The following CNNM2 variants were observed in gnomAD, a reference collection of about 807,000 sequenced individuals.
CNNM2 encodes metal transporter CNNM2.
A neutral mutation model predicts 66.9 loss-of-function variants in CNNM2; 12 were observed. The ratio of observed to expected loss-of-function variants is 0.18; its 90% CI spans 0.11 to 0.29. The LOEUF (loss-of-function observed/expected upper bound fraction) is 0.29, where lower values mean the gene tolerates loss of function less well. CNNM2 is among the 10% of genes least tolerant of loss of function. The pLI is 1.00. For synonymous variants in CNNM2, 557 were observed against 501.8 expected, an observed-to-expected ratio of 1.11 and a Z score of -1.47; for missense variants, 705 against 1,167.7, an observed-to-expected ratio of 0.60 and a Z score of 5.77.
intron 1 of CNNM2, among the ~76,000 whole-genome samples, chr10:102,935,271 C>G (rs1199609474): frequency 1.3e-5 from 2 of 151,670 alleles, no homozygotes; most frequent in Non-Finnish European, 2.9e-5. Context: ...CAAGACCAGC[C>G]TAGACAATAT....
chr10:102,992,742 C>T (rs1564835919), intron 1 of CNNM2, among the ~76,000 whole-genome samples: 1 of 152,172 alleles, frequency 6.6e-6, no homozygotes, highest in Non-Finnish European at 1.5e-5. Flanking sequence ...CAGTAGTTCA[C>T]AGCAAGGGCT....
In CNNM2 at chr10:102,994,093, C is replaced by T. The variant is rs1039389735; in HGVS notation, c.1622-55614C>T. Among the ~76,000 whole-genome samples the T allele has an allele frequency of 3.9e-5, 6 of 152,082 alleles. 1 individual carries two copies. The East Asian group carries it at 5.8e-4, about 15-fold the overall frequency. On this transcript the variant is annotated intron_variant, in intron 1 of 7. Coordinates refer to ENST00000369878, the MANE Select transcript of CNNM2 (RefSeq NM_017649.5). The stretch of plus-strand genomic sequence containing the variant: ...CTGGGATTACAGGCACATGCCACCA[C>T]GCCGAGCTAATTTTTGTATTTTTAG...
chr10:102,935,895 G>C (rs1194611273), intron 1 of CNNM2, among the ~76,000 whole-genome samples: 2 of 149,760 alleles, frequency 1.3e-5, no homozygotes, highest in African/African-American at 4.9e-5. Flanking sequence ...TTGGGATTAC[G>C]ATATGAAATG....
At chr10:102,958,269 G>C (rs1380002368) in intron 1 of CNNM2, among the ~76,000 whole-genome samples, 1 of 151,928 alleles carries the variant, frequency 6.6e-6, no homozygotes, top group East Asian at 1.9e-4. Context: ...TTTTCTAACT[G>C]TGTTGAATAA....
At chr10:102,920,382 T>TA (rs1845581234) in intron 1 of CNNM2, among the ~76,000 whole-genome samples, 1 of 152,180 alleles carries the variant, frequency 6.6e-6, no homozygotes, top group African/African-American at 2.4e-5. Flanking sequence ...ATTTATTTTT[T>TA]TTTTTTTGGT....
At chr10:103,015,154 C>A (rs963532086) in intron 1 of CNNM2, among the ~76,000 whole-genome samples, 2 of 152,116 alleles carry the variant, frequency 1.3e-5, no homozygotes, top group Admixed American at 1.3e-4. Flanking sequence ...ACCATTTATT[C>A]ATTCAGGGGT....
intron 3 of CNNM2, among the ~76,000 whole-genome samples, chr10:103,055,330 C>A (rs1037479424): frequency 6.6e-6 from 1 of 152,204 alleles, no homozygotes; most frequent in African/African-American, 2.4e-5. Flanking sequence ...GAAGGCTAGC[C>A]GCAACCACAT....
rs574025724 is a variant in CNNM2 at position 103,085,656 on chromosome 10, CATT to C, written c.*8477_*8479del. 9.9e-5 allele frequency: 15 copies of C among 152,204 alleles called. No homozygotes were observed. Among genetic ancestry groups the C allele is most frequent in the Non-Finnish European group, 1.5e-4 (10 of 68,036 alleles). The allele number at this position is 152,204 out of a possible 1,614,324, so 9.4% of individuals were successfully genotyped here. On this transcript the variant is annotated 3_prime_UTR_variant, in exon 8 of 8. Transcript: ENST00000369878. ...CAAAGGGACGAGATTCAAAATTCAT[CATT>C]GTGTTTTAAATTTAAATTGGAAAAC...
At chr10:103,027,227 G>C (rs986575906) in intron 1 of CNNM2, 10 of 152,202 alleles carry the variant, frequency 6.6e-5, no homozygotes, top group Non-Finnish European at 1.5e-4. Flanking sequence ...GATGCAAAAA[G>C]AATGTGTAGC....
intron 1 of CNNM2, among the ~76,000 whole-genome samples, chr10:102,983,913 C>G (rs921687199): frequency 2.6e-5 from 4 of 151,836 alleles, no homozygotes; most frequent in South Asian, 2.1e-4. Flanking sequence ...TTAAAGTGCC[C>G]GCCACCACGC....
At position 103,087,864 on chromosome 10, in the gene CNNM2, T is replaced by C. The variant is rs1394074266; in HGVS notation, c.*10684T>C. ...TTGGATGACTTAATCTGAAGCCATATAAGTCCAAAGTAGTGAGACAGACAG... is the reference window on the plus strand; with the variant it reads ...TTGGATGACTTAATCTGAAGCCATACAAGTCCAAAGTAGTGAGACAGACAG... On this transcript the variant is annotated 3_prime_UTR_variant, in exon 8 of 8. Coordinates refer to ENST00000369878, the MANE Select transcript of CNNM2 (RefSeq NM_017649.5). 1 of 152,240 alleles carries C rather than the reference T, an allele frequency of 6.6e-6. No individual in the cohort carries two copies. Among genetic ancestry groups the C allele is most frequent in the Non-Finnish European group, 1.5e-5 (1 of 68,046 alleles). The allele number at this position is 152,240 out of a possible 1,614,324, so 9.4% of individuals were successfully genotyped here.
At chr10:103,005,288 C>T (rs1380052422) in intron 1 of CNNM2, among the ~76,000 whole-genome samples, 1 of 152,016 alleles carries the variant, frequency 6.6e-6, no homozygotes, top group Admixed American at 6.6e-5. Context: ...GTATATGATT[C>T]GTTGATACTA....
At chr10:102,923,140 T>C (rs1026781175) in intron 1 of CNNM2, among the ~76,000 whole-genome samples, 1 of 152,142 alleles carries the variant, frequency 6.6e-6, no homozygotes, top group Non-Finnish European at 1.5e-5. Context: ...CTTTTTTTTT[T>C]CCCCAAGAGA....
chr10:103,067,419 C>A (rs2065498565), intron 4 of CNNM2, among the ~76,000 whole-genome samples: 1 of 152,170 alleles, frequency 6.6e-6, no homozygotes, highest in East Asian at 1.9e-4. Flanking sequence ...GCTGATCCCC[C>A]CTCCCCTGAT....
rs1030385756 is a variant in CNNM2, at chr10:103,084,707, G to A, written c.*7527G>A. 2.1e-4 allele frequency: 32 copies of A among 152,092 alleles called. No individual in the cohort carries two copies. The highest frequency in any genetic ancestry group is 7.5e-4 in the African/African-American group (31 of 41,402). The allele number at this position is 152,092 out of a possible 1,614,324, so 9.4% of individuals were successfully genotyped here. ...CATCCGCTCATTTCTAAGCTTTATC[G>A]TGATGCACCCGGGGTTTCTATTTCA... On this transcript the variant is annotated 3_prime_UTR_variant, in exon 8 of 8. Coordinates refer to ENST00000369878, the MANE Select transcript of CNNM2 (RefSeq NM_017649.5).
At chr10:102,981,849 G>A (rs2063726415) in intron 1 of CNNM2, among the ~76,000 whole-genome samples, 1 of 151,562 alleles carries the variant, frequency 6.6e-6, no homozygotes, top group African/African-American at 2.4e-5. Flanking sequence ...GATCTCGAGG[G>A]TTGGCCAGCT....
intron 1 of CNNM2, among the ~76,000 whole-genome samples, chr10:102,926,327 C>G (rs998699452): frequency 3.3e-5 from 5 of 152,154 alleles, no homozygotes; most frequent in Non-Finnish European, 7.3e-5. Context: ...TAAATACCAG[C>G]CCTGACTAAG....
At chr10:102,978,387 T>C (rs2063670475) in intron 1 of CNNM2, among the ~76,000 whole-genome samples, 1 of 152,064 alleles carries the variant, frequency 6.6e-6, no homozygotes, top group African/African-American at 2.4e-5. Flanking sequence ...AATCTGAATG[T>C]TATCCTTTAT....
intron 1 of CNNM2, among the ~76,000 whole-genome samples, chr10:103,049,022 T>C (rs2065174711): frequency 6.6e-6 from 1 of 152,154 alleles, no homozygotes; most frequent in Non-Finnish European, 1.5e-5. Flanking sequence ...TCTGTTTATT[T>C]TTTTGTAGAG....
Sources: allele counts gnomAD v4.1 joint callset (sites outside exome capture counted in the v4.1 genomes callset), GRCh38; gene constraint gnomAD v4.1.1; transcripts MANE v1.5; gene names NCBI Gene and HGNC (gene_info 2026-07-23, HGNC 2026-07-21).